The following MED10 variants were observed in gnomAD, a reference collection of about 807,000 sequenced individuals.
MED10 encodes the protein mediator complex subunit 10.
In MED10, 9 loss-of-function variants were observed where a neutral mutation model predicts 17.2. The ratio of observed to expected loss-of-function variants is 0.52; its 90% confidence interval spans 0.31 to 0.91. The LOEUF (loss-of-function observed/expected upper bound fraction) is 0.91, where lower values mean the gene tolerates loss of function less well. Ranked by LOEUF, MED10 falls within the 40% of genes least tolerant of loss-of-function variation. The probability of loss-of-function intolerance (pLI) is 0.04; values close to 1 mark genes in which losing one functional copy is unlikely to be tolerated. For missense variants in MED10, 129 were observed against 164.8 expected, an observed-to-expected ratio of 0.78 and a Z score of 1.19; for synonymous variants, 66 against 59.8, an observed-to-expected ratio of 1.10 and a Z score of -0.48.
rs752378280 is a variant in MED10, at chr5:6,377,149, T to A, written c.206+17A>T. Reference sequence around the variant, plus strand: ...ACAAGATTTATACCCAAGACTAATATCAAGAATGTTACTTACTCAAAAACT... The same window carrying A: ...ACAAGATTTATACCCAAGACTAATAACAAGAATGTTACTTACTCAAAAACT... On this transcript the variant is annotated intron_variant, in intron 2 of 3. Coordinates refer to ENST00000255764, the MANE Select transcript of MED10 (RefSeq NM_032286.3). 1 of 1,554,120 alleles carries A rather than the reference T, an allele frequency of 6.4e-7. No homozygotes were observed. Among genetic ancestry groups the A allele is most frequent in the African/African-American group, 1.4e-5 (1 of 73,630 alleles).
intron 3 of MED10, 30 bp downstream of exon 3, chr5:6,374,294 C>G: frequency 6.8e-7 from 1 of 1,477,736 alleles, no homozygotes; most frequent in East Asian, 2.3e-5. Context: ...TCTCTTCCCA[C>G]TGTATTTCTG....
chr5:6,374,965 A>G (rs1737962790), intron 2 of MED10, among the ~76,000 whole-genome samples: 1 of 152,162 alleles, frequency 6.6e-6, no homozygotes, highest in African/African-American at 2.4e-5. Context: ...CAAGAGCCCC[A>G]GCCCTGACGA....
chr5:6,377,642 C>CTTCCT (rs1438314794), intron 1 of MED10, among the ~76,000 whole-genome samples: 7 of 152,342 alleles, frequency 4.6e-5, no homozygotes, highest in Non-Finnish European at 7.3e-5. Flanking sequence ...TCTGGTTTAG[C>CTTCCT]TTCCTCTCCT....
intron 2 of MED10, among the ~76,000 whole-genome samples, chr5:6,375,973 A>G (rs994169668): frequency 3.3e-5 from 5 of 152,180 alleles, no homozygotes; most frequent in African/African-American, 1.2e-4. Context: ...GTTACTTGCC[A>G]CTTGTCACTA....
intron 1 of MED10, 56 bp from the exon 2 acceptor site, chr5:6,377,305 AC>A: frequency 1.5e-6 from 2 of 1,358,674 alleles, no homozygotes; most frequent in Non-Finnish European, 2.1e-6. Flanking sequence ...CAGCATAAGC[AC>A]CACCCACAGA....
At chr5:6,378,146 T>C (rs1446435663) in intron 1 of MED10, among the ~76,000 whole-genome samples, 2 of 152,238 alleles carry the variant, frequency 1.3e-5, no homozygotes, top group African/African-American at 2.4e-5. Flanking sequence ...CAAAGGGGCC[T>C]CAAAGAGGTT....
At position 6,374,372 on chromosome 5, in the gene MED10, C is replaced by A. The variant is rs765961257; in HGVS notation, c.261G>T (p.Arg87Ser). Residue 87 changes from arginine to serine, a missense_variant, in exon 3 of 4, where the codon AGG becomes AGT. Arg to Ser is a moderately radical substitution (Grantham distance 110). Around this residue, in one of 3 missense-constraint regions of MED10, gnomAD observed 100 missense variants for 121.0 expected, o/e 0.83. Transcript: ENST00000255764. The stretch of plus-strand genomic sequence containing the variant: ...TAACTTGCTCATTTTTAGCTAGAGC[C>A]CTCTCCAGGCACTCTTTGGTGTAGA... ...PQLYTKECLE[R>S]ALAKNEQVKG... 49 of 1,614,074 alleles carry A rather than the reference C, an allele frequency of 3.0e-5. No individual in the cohort carries two copies. The highest frequency in any genetic ancestry group is 4.2e-5 in the Non-Finnish European group (49 of 1,179,952).
At chr5:6,374,275 G>T in intron 3 of MED10, 49 bp downstream of exon 3, 2 of 1,294,216 alleles carry the variant, frequency 1.5e-6, no homozygotes, top group Non-Finnish European at 2.3e-6. Flanking sequence ...AAATTCCACT[G>T]AGAAGGCATC....
chr5:6,375,107 A>G (rs1737964772), intron 2 of MED10, among the ~76,000 whole-genome samples: 1 of 152,240 alleles, frequency 6.6e-6, no homozygotes, highest in African/African-American at 2.4e-5. Context: ...TAAACAGTAT[A>G]AAACTGTTAC....
rs1205026989 is a variant in MED10 at position 6,374,413 on chromosome 5, C to G, written c.220G>C (p.Gly74Arg). The G allele has an allele frequency of 1.2e-6, 2 of 1,610,500 alleles. No individual in the cohort carries two copies. Among genetic ancestry groups the G allele is most frequent in the East Asian group, 4.5e-5 (2 of 44,744 alleles). ...TTGGTGTAGAGCTGGGGATTTCGAC[C>G]TTGATCTATATATCTGGAAACACGA... Reference protein sequence around the residue: ...PLEVFEYIDQGRNPQLYTKEC... With the variant: ...PLEVFEYIDQRRNPQLYTKEC... Residue 74 changes from glycine (G) to arginine (R), a missense_variant, in exon 3 of 4, where the codon GGT becomes CGT. Transcript: ENST00000255764.
chr5:6,378,220 G>A, intron 1 of MED10, 142 bp downstream of exon 1: 1 of 1,244,012 alleles, frequency 8.0e-7, no homozygotes, highest in South Asian at 1.8e-5. Flanking sequence ...AAGGCGCCCC[G>A]GGCTCCGGGA....
chr5:6,376,425 G>A (rs185643573), intron 2 of MED10, among the ~76,000 whole-genome samples: 12 of 152,284 alleles, frequency 7.9e-5, no homozygotes, highest in Middle Eastern at 3.4e-3. Context: ...TATGAGTCCG[G>A]GGGTTTCGTC....
intron 1 of MED10, among the ~76,000 whole-genome samples, chr5:6,377,599 TAC>T (rs1738023489): frequency 1.3e-5 from 2 of 152,222 alleles, no homozygotes; most frequent in Non-Finnish European, 2.9e-5. Flanking sequence ...CAGCGGACTA[TAC>T]TCAAAGTCTG....
intron 2 of MED10, 143 bp from the exon 3 acceptor site, chr5:6,374,569 G>T: frequency 1.6e-6 from 1 of 617,786 alleles, no homozygotes; most frequent in South Asian, 1.8e-5. Context: ...AGGAACCAGG[G>T]GAATTAATAT....
At chr5:6,372,994 A>G (rs550452948) in intron 3 of MED10, among the ~76,000 whole-genome samples, 2 of 152,346 alleles carry the variant, frequency 1.3e-5, no homozygotes, top group African/African-American at 2.4e-5. Context: ...AGCGGCCCTC[A>G]CTATTGATAA....
rs1737905034 is a variant in MED10 at position 6,372,350 on chromosome 5, G to A, written c.*153C>T. On this transcript the variant is annotated 3_prime_UTR_variant, in exon 4 of 4. Transcript: ENST00000255764. ...GCTCCGCCTCTCCTCCAGCCCCTCG[G>A]TCCCATGAGGCCAAACAATGAGGAC... 1.6e-6 allele frequency: 1 copy of A among 630,386 alleles called. No homozygotes were observed. The highest frequency in any genetic ancestry group is 2.8e-5 in the East Asian group (1 of 36,344). The allele number at this position is 630,386 out of a possible 1,614,324, so 39.0% of individuals were successfully genotyped here. A position where few individuals can be genotyped will look rare whatever the true frequency, so the allele number is the denominator to read the frequency against.
At position 6,372,591 on chromosome 5, in the gene MED10, C is replaced by G; in HGVS notation, c.320G>C (p.Ser107Thr). The change falls in exon 4 of 4, where the codon AGC becomes ACC. Residue 107 changes from serine (S) to threonine (T), a missense_variant. Around this residue, in one of 3 missense-constraint regions of MED10, gnomAD observed 100 missense variants for 121.0 expected, o/e 0.83. Coordinates refer to ENST00000255764, the MANE Select transcript of MED10 (RefSeq NM_032286.3). ...GKIDTMKKFKSLLIQELSKVF... is the reference protein window; with the variant it reads ...GKIDTMKKFKTLLIQELSKVF... ...TTTAGAAAGTTCTTGAATCAACAGG[C>G]TTTTAAATTTCTACAAAGAAAATAC... 1 of 1,613,420 alleles carries G rather than the reference C, an allele frequency of 6.2e-7. No individual in the cohort carries two copies. Among genetic ancestry groups the G allele is most frequent in the South Asian group, 1.1e-5 (1 of 91,066 alleles).
intron 2 of MED10, 85 bp downstream of exon 2, chr5:6,377,081 G>T (rs538058067): frequency 3.6e-6 from 3 of 840,862 alleles, no homozygotes; most frequent in East Asian, 3.0e-5. Flanking sequence ...GCAGGCACTC[G>T]AATGCCAGTG....
intron 1 of MED10, 70 bp downstream of exon 1, chr5:6,378,292 C>T (rs1738042789): frequency 6.8e-7 from 1 of 1,473,900 alleles, no homozygotes; most frequent in Non-Finnish European, 9.0e-7. Flanking sequence ...TCCCTAGATC[C>T]CCGCTCCCCT....
Sources: gnomAD v4.1 joint callset for allele counts (sites outside exome capture counted in the v4.1 genomes callset) on GRCh38, gnomAD v4.1.1 for gene constraint, gnomAD v4.1.1 regional missense constraint, MANE v1.5 for transcripts, NCBI Gene and HGNC (gene_info 2026-07-23, HGNC 2026-07-21) for gene names.